The following PXMP4 variants were observed in gnomAD, a reference collection of about 807,000 sequenced individuals.
PXMP4 encodes peroxisomal membrane protein 4, also known as 24 kDa peroxisomal intrinsic membrane protein.
A neutral mutation model predicts 21.6 loss-of-function variants in PXMP4; 16 were observed. That is an observed-to-expected ratio of 0.74 (90% CI 0.50 to 1.13). The LOEUF (loss-of-function observed/expected upper bound fraction) is 1.13. PXMP4 is among the 50% of genes most tolerant of loss of function. PXMP4 has a pLI of 0.00. For missense variants in PXMP4, 240 were observed against 277.7 expected, an observed-to-expected ratio of 0.86 and a Z score of 0.96; for synonymous variants, 127 against 123.8, an observed-to-expected ratio of 1.03 and a Z score of -0.17.
chr20:33,711,540 A>G (rs2018325609), intron 2 of PXMP4, among the ~76,000 whole-genome samples: 1 of 152,146 alleles, frequency 6.6e-6, no homozygotes, highest in East Asian at 1.9e-4. Flanking sequence ...AGAAGTGAAC[A>G]TTTAGATAGA....
At chr20:33,718,004 C>T (rs1212172127) in intron 1 of PXMP4, among the ~76,000 whole-genome samples, 1 of 152,138 alleles carries the variant, frequency 6.6e-6, no homozygotes, top group Non-Finnish European at 1.5e-5. Context: ...ATTAGTGTCT[C>T]TTCTTTTCTT....
In PXMP4 at chr20:33,714,661, G is replaced by A. The variant is rs2018365368; in HGVS notation, c.176+13C>T. 1 of 1,612,934 alleles carries A rather than the reference G, an allele frequency of 6.2e-7. No individual in the cohort carries two copies. Among genetic ancestry groups the A allele is most frequent in the Non-Finnish European group, 8.5e-7 (1 of 1,178,894 alleles). ...GGCTGACCACATTCTCTCCCAGTTT[G>A]AGGGATGTGTACCTGCCATTCCGGA... On this transcript the variant is annotated intron_variant, in intron 2 of 3. Transcript: ENST00000409299.
intron 1 of PXMP4, among the ~76,000 whole-genome samples, chr20:33,717,961 T>C (rs905088710): frequency 6.6e-6 from 1 of 152,162 alleles, no homozygotes; most frequent in African/African-American, 2.4e-5. Context: ...TTTTGGCAGT[T>C]ACGCACATAT....
chr20:33,717,428 C>T (rs987381031), intron 1 of PXMP4, among the ~76,000 whole-genome samples: 2 of 151,186 alleles, frequency 1.3e-5, no homozygotes, highest in Non-Finnish European at 2.9e-5. Context: ...ATCACGAGGT[C>T]AGGAGATTGA....
rs111534900 is a variant in PXMP4 at position 33,718,613 on chromosome 20, C to G, written c.113+1482G>C. ...GCCCTTGGCCAGACCCAGTGGGAACCAGTTCTACCTGACTCTTGAGTGTCC... is the reference window on the plus strand; with the variant it reads ...GCCCTTGGCCAGACCCAGTGGGAACGAGTTCTACCTGACTCTTGAGTGTCC... On this transcript the variant is annotated intron_variant, in intron 1 of 3. Transcript: ENST00000409299. 2.5e-3 allele frequency among the ~76,000 whole-genome samples: 375 copies of G among 151,222 alleles called. 4 individuals carry two copies. Among genetic ancestry groups the G allele is most frequent in the African/African-American group, 8.8e-3 (361 of 41,206 alleles).
rs1312749115 is a variant in PXMP4 at position 33,707,746 on chromosome 20, G to A, written c.599C>T (p.Ser200Leu). 2.5e-6 allele frequency: 4 copies of A among 1,614,024 alleles called. No individual in the cohort carries two copies. The highest frequency in any genetic ancestry group is 2.5e-6 in the Non-Finnish European group (3 of 1,180,020). Reference sequence around the variant, plus strand: ...GCTCTTGTTATAGACGAGGAAGTCTGAGATGTCGTGCCATACATTGCTGTC... The same window carrying A: ...GCTCTTGTTATAGACGAGGAAGTCTAAGATGTCGTGCCATACATTGCTGTC... ...YEDSNVWHDI[S>L]DFLVYNKSRP... Residue 200 changes from serine (S) to leucine (L), a missense_variant, in exon 4 of 4, where the codon TCA becomes TTA. By Grantham distance (145) the Ser-to-Leu change is moderately radical. Transcript: ENST00000409299.
At chr20:33,717,639 C>CAAAAAAAAAAAAAAAAAA (rs10666719) in intron 1 of PXMP4, among the ~76,000 whole-genome samples, 4 of 56,546 alleles carry the variant, frequency 7.1e-5, no homozygotes, top group East Asian at 4.3e-4. Flanking sequence ...GACTCCGTCT[C>CAAAAAAAAAAAAAAAAAA]AAAAAAAAAA....
In PXMP4 at chr20:33,710,632, A is replaced by T; in HGVS notation, c.298T>A (p.Tyr100Asn). 1 of 1,613,922 alleles carries T rather than the reference A, an allele frequency of 6.2e-7. No homozygotes were observed. Among genetic ancestry groups the T allele is most frequent in the Non-Finnish European group, 8.5e-7 (1 of 1,179,962 alleles). Reference sequence around the variant, plus strand: ...GCCGCCAGGAATGCGTGTGCTGGGTAGGTCTTGCCTTGTATGTAGGACTGC... The same window carrying T: ...GCCGCCAGGAATGCGTGTGCTGGGTTGGTCTTGCCTTGTATGTAGGACTGC... ...ALQSYIQGKT[Y>N]PAHAFLAAFL... The change falls in exon 3 of 4, where the codon TAC becomes AAC. Residue 100 changes from tyrosine to asparagine, a missense_variant. Transcript: ENST00000409299.
rs1315586503 is a variant in PXMP4 at position 33,709,804 on chromosome 20, C to T, written c.375+751G>A. ...CCCACCTCTACACTGAACCACGCCC[C>T]TTCACCCACCCATACTTCTACACTG... is the stretch of plus-strand genomic sequence containing the variant. On this transcript the variant is annotated intron_variant, in intron 3 of 3. Coordinates refer to ENST00000409299, the MANE Select transcript of PXMP4 (RefSeq NM_007238.5). Among the ~76,000 whole-genome samples, 6 of 135,386 alleles carry T rather than the reference C, an allele frequency of 4.4e-5. No homozygotes were observed. In the East Asian group the frequency reaches 1.1e-3, roughly 25 times the overall value. The allele number at this position is 135,386 out of a possible 152,430, so 88.8% of individuals were successfully genotyped here. A position where few individuals can be genotyped will look rare whatever the true frequency, so the allele number is the denominator to read the frequency against.
Position 33,720,130 on chromosome 20 carries a change from C to T in PXMP4, c.78G>A (p.Ala26=). The part of the protein sequence containing the change: ...ALLRKRRYHA[A]LAVLKGFRNG... ...TCCGGAAGCCCTTAAGCACGGCCAA[C>T]GCAGCGTGGTAGCGGCGCTTGCGCA... The change falls in exon 1 of 4, where the codon GCG becomes GCA. Residue 26 remains alanine (A), a synonymous_variant. Coordinates refer to ENST00000409299, the MANE Select transcript of PXMP4 (RefSeq NM_007238.5). 1 of 1,613,708 alleles carries T rather than the reference C, an allele frequency of 6.2e-7. No homozygotes were observed. The highest frequency in any genetic ancestry group is 8.5e-7 in the Non-Finnish European group (1 of 1,179,918).
rs1187656160 is a variant in PXMP4 at position 33,707,926 on chromosome 20, C to A, written c.419G>T (p.Arg140Leu). 2 of 1,614,020 alleles carry A rather than the reference C, an allele frequency of 1.2e-6. No homozygotes were observed. The highest frequency in any genetic ancestry group is 8.5e-7 in the Non-Finnish European group (1 of 1,180,030). The change falls in exon 4 of 4, where the codon CGC becomes CTC. Residue 140 changes from arginine to leucine, a missense_variant. Coordinates refer to ENST00000409299, the MANE Select transcript of PXMP4 (RefSeq NM_007238.5). ...LLSRVLFALS[R>L]LAVEKGYIPE... ...GATGTAGCCCTTCTCTACAGCCAGG[C>A]GGCTCAGGGCAAACAGGACGCGTGA...
chr20:33,710,573 G>A lies in PXMP4; in HGVS notation c.357C>T (p.Asn119=). Residue 119 remains asparagine (N), a synonymous_variant, in exon 3 of 4, where the codon AAC becomes AAT. Transcript: ENST00000409299. ...TCTTTACCTGGCTGTTGATGTTATTGTTTTCTCCAAACACCAGGATACCCC... is the reference window on the plus strand; with the variant it reads ...TCTTTACCTGGCTGTTGATGTTATTATTTTCTCCAAACACCAGGATACCCC... ...FLGGILVFGE[N]NNINSQINMY... 6.2e-7 allele frequency: 1 copy of A among 1,605,686 alleles called. No homozygotes were observed. The highest frequency in any genetic ancestry group is 8.5e-7 in the Non-Finnish European group (1 of 1,175,358).
At chr20:33,709,307 ACAG>A (rs1184387334) in intron 3 of PXMP4, among the ~76,000 whole-genome samples, 2 of 152,188 alleles carry the variant, frequency 1.3e-5, no homozygotes, top group African/African-American at 4.8e-5. Context: ...CAAAAACAAA[ACAG>A]AACAAAAACC....
chr20:33,705,796 C>T lies in PXMP4; in HGVS notation c.*1910G>A, dbSNP rs1287318795. ...ATGGCTTAGGTTTCTAAATTTGAAA[C>T]AAGGCACTGGAAAAAACATGGGCTT... On this transcript the variant is annotated 3_prime_UTR_variant, in exon 4 of 4. Coordinates refer to ENST00000409299, the MANE Select transcript of PXMP4 (RefSeq NM_007238.5). 1 of 152,156 alleles carries T rather than the reference C, an allele frequency of 6.6e-6. No homozygotes were observed. The highest frequency in any genetic ancestry group is 1.5e-5 in the Non-Finnish European group (1 of 68,030). 9.4% of individuals were successfully genotyped at this position (152,156 alleles called of 1,614,324 possible). A position where few individuals can be genotyped will look rare whatever the true frequency, so the allele number is the denominator to read the frequency against.
intron 1 of PXMP4, among the ~76,000 whole-genome samples, chr20:33,716,399 C>A (rs2018384120): frequency 6.6e-6 from 1 of 152,158 alleles, no homozygotes; most frequent in Admixed American, 6.6e-5. Flanking sequence ...CCTGGCAGTT[C>A]CTACTACCTG....
chr20:33,712,544 G>A (rs1394896423), intron 2 of PXMP4, among the ~76,000 whole-genome samples: 2 of 152,108 alleles, frequency 1.3e-5, no homozygotes, highest in East Asian at 1.9e-4. Context: ...CTTCCTCCTG[G>A]GTTTGAGCGA....
At chr20:33,709,040 C>T (rs531687056) in intron 3 of PXMP4, among the ~76,000 whole-genome samples, 2 of 152,276 alleles carry the variant, frequency 1.3e-5, no homozygotes, top group Admixed American at 6.5e-5. Flanking sequence ...TGGTGGCTCA[C>T]GCTGCACTTT....
chr20:33,715,527 G>A (rs1420805731), intron 1 of PXMP4, among the ~76,000 whole-genome samples: 2 of 151,886 alleles, frequency 1.3e-5, no homozygotes, highest in African/African-American at 4.8e-5. Flanking sequence ...CTGGGTTCAA[G>A]CAATTCTCCT....
In PXMP4 at chr20:33,710,762, A is replaced by G; in HGVS notation, c.177-9T>C. The G allele has an allele frequency of 1.3e-6, 2 of 1,587,926 alleles. No homozygotes were observed. The highest frequency in any genetic ancestry group is 1.7e-6 in the Non-Finnish European group (2 of 1,164,694). ...ACAGCTTCTCCTGGAGGCTGCACAA[A>G]CACAGGTGCCCCTGCCATGAGTGCA... On this transcript the variant is annotated splice_polypyrimidine_tract_variant and intron_variant, in intron 2 of 3. Transcript: ENST00000409299.
Sources: allele counts gnomAD v4.1 joint callset (sites outside exome capture counted in the v4.1 genomes callset), GRCh38; gene constraint gnomAD v4.1.1; transcripts MANE v1.5; gene names NCBI Gene and HGNC (gene_info 2026-07-23, HGNC 2026-07-21).